Variants in MARCHF6 observed in about 807,000 individuals in gnomAD.
The protein encoded by MARCHF6 is membrane associated ring-CH-type finger 6, also known as E3 ubiquitin-protein ligase MARCHF6.
In MARCHF6, 31 loss-of-function variants were observed where a neutral mutation model predicts 133.7. That is an observed-to-expected ratio of 0.23 (90% confidence interval 0.17 to 0.31). MARCHF6 has a LOEUF of 0.31. Ranked by LOEUF, MARCHF6 falls within the 10% of genes least tolerant of loss-of-function variation. The probability of loss-of-function intolerance (pLI) is 1.00; values close to 1 mark genes in which losing one functional copy is unlikely to be tolerated. For synonymous variants in MARCHF6, 395 were observed against 402.5 expected (o/e 0.98, Z 0.22); for missense variants, 723 against 1,121.6 (o/e 0.64, Z 5.08).
intron 19 of MARCHF6, among the ~76,000 whole-genome samples, chr5:10,412,719 G>A (rs142434304): frequency 7.0e-4 from 106 of 152,166 alleles, no homozygotes; most frequent in Middle Eastern, 3.4e-3. Flanking sequence ...GGGACCATGG[G>A]TGCATGCCAC....
chr5:10,417,243 A>G, intron 21 of MARCHF6, 27 bp from the exon 22 acceptor site: 1 of 1,593,410 alleles, frequency 6.3e-7, no homozygotes, highest in Non-Finnish European at 8.5e-7. Flanking sequence ...ATCCTCTTTA[A>G]TGATGTGGGC....
chr5:10,412,804 A>G (rs570670469), intron 19 of MARCHF6, among the ~76,000 whole-genome samples: 211 of 152,164 alleles, frequency 1.4e-3, no homozygotes, highest in Non-Finnish European at 2.7e-3. Context: ...TCAAACTCCT[A>G]GTTCAAGCAG....
chr5:10,395,647 A>G (rs75000043), intron 9 of MARCHF6, among the ~76,000 whole-genome samples: 7,864 of 152,238 alleles, frequency 0.052, 689 homozygotes, highest in African/African-American at 0.18. Context: ...GGCTGCAGGT[A>G]GCAGAACCCC....
At chr5:10,400,049 A>G (rs1382421321) in intron 10 of MARCHF6, among the ~76,000 whole-genome samples, 1 of 152,128 alleles carries the variant, frequency 6.6e-6, no homozygotes, top group African/African-American at 2.4e-5. Context: ...GTGCCTATTA[A>G]TAGTATATGT....
intron 5 of MARCHF6, 74 bp downstream of exon 5, chr5:10,387,140 TATTATA>T: frequency 9.2e-7 from 1 of 1,089,436 alleles, no homozygotes; most frequent in Non-Finnish European, 1.3e-6. Context: ...ATATTTATTT[TATTATA>T]ATTTGTAAAT....
rs1228218484 is a variant in MARCHF6 at position 10,433,438 on chromosome 5, T to C, written c.2643-156T>C. The stretch of plus-strand genomic sequence containing the variant: ...AGCTTCCTACAAACCCATACCTAGG[T>C]AGATGTGTCAGCCTTTACAGGTGTT... On this transcript the variant is annotated intron_variant, in intron 25 of 25. Coordinates refer to ENST00000274140, the MANE Select transcript of MARCHF6 (RefSeq NM_005885.4). Among the ~76,000 whole-genome samples the C allele has an allele frequency of 2.0e-5, 3 of 152,194 alleles. No individual in the cohort carries two copies. In the East Asian group the frequency reaches 5.8e-4, roughly 29 times the overall value.
At position 10,383,016 on chromosome 5, in the gene MARCHF6, G is replaced by A. The variant is rs114414996; in HGVS notation, c.334+1073G>A. 6.8e-3 allele frequency among the ~76,000 whole-genome samples: 1,031 copies of A among 152,068 alleles called. 14 individuals are homozygous for A. Among genetic ancestry groups the A allele is most frequent in the African/African-American group, 0.023 (967 of 41,470 alleles). ...CATGGAGAGAAGTACATAGTATATG[G>A]GAGGCAGAGTATATAGATAAGATTC... On this transcript the variant is annotated intron_variant, in intron 4 of 25. Coordinates refer to ENST00000274140, the MANE Select transcript of MARCHF6 (RefSeq NM_005885.4).
At chr5:10,356,408 T>TGTTATGTTATG in intron 1 of MARCHF6, among the ~76,000 whole-genome samples, 1 of 149,268 alleles carries the variant, frequency 6.7e-6, no homozygotes, top group African/African-American at 2.5e-5. Context: ...TTTTATTTTA[T>TGTTATGTTATG]TTTCCGAGAT....
At chr5:10,402,728 A>G in intron 14 of MARCHF6, 121 bp downstream of exon 14, 1 of 914,330 alleles carries the variant, frequency 1.1e-6, no homozygotes, top group South Asian at 1.5e-5. Flanking sequence ...TTCTTTTGGC[A>G]TGTGTATCAG....
At chr5:10,368,852 C>A (rs1736290307) in intron 1 of MARCHF6, among the ~76,000 whole-genome samples, 1 of 152,124 alleles carries the variant, frequency 6.6e-6, no homozygotes, top group South Asian at 2.1e-4. Flanking sequence ...GGATTACAGG[C>A]GTGAGCCACC....
rs920663823 is a variant in MARCHF6, at chr5:10,364,185, G to A, written c.19+10268G>A. On this transcript the variant is annotated intron_variant, in intron 1 of 25. Coordinates refer to ENST00000274140, the MANE Select transcript of MARCHF6 (RefSeq NM_005885.4). ...TAAAATGGTAATAGAATGACTGACC[G>A]TACCAAGTGTTTGTAAGGAGGTAGA... is the stretch of plus-strand genomic sequence containing the variant. 2.6e-5 allele frequency among the ~76,000 whole-genome samples: 4 copies of A among 152,294 alleles called. No individual in the cohort carries two copies. In the South Asian group the frequency reaches 6.2e-4, roughly 24 times the overall value.
At chr5:10,355,204 T>C (rs1264021016) in intron 1 of MARCHF6, among the ~76,000 whole-genome samples, 1 of 152,266 alleles carries the variant, frequency 6.6e-6, no homozygotes, top group Non-Finnish European at 1.5e-5. Flanking sequence ...ATACACTGAG[T>C]GTAGCTAATC....
Position 10,417,535 on chromosome 5 carries a change from C to T in MARCHF6, c.2283+131C>T, listed in dbSNP as rs950318320. 5.9e-6 allele frequency: 7 copies of T among 1,194,664 alleles called. No individual in the cohort carries two copies. The African/African-American group carries it at 7.7e-5, about 13-fold the overall frequency. The allele number at this position is 1,194,664 out of a possible 1,614,324, so 74.0% of individuals were successfully genotyped here. ...CTGAGGTGGGAGGACTGCTTGCACC[C>T]AGGAGTTCGAGACCAGCCTGGGCAG... On this transcript the variant is annotated intron_variant, in intron 22 of 25. Coordinates refer to ENST00000274140, the MANE Select transcript of MARCHF6 (RefSeq NM_005885.4).
In MARCHF6 at chr5:10,414,430, C is replaced by T. The variant is rs369105847; in HGVS notation, c.1897-3C>T. On this transcript the variant is annotated splice_polypyrimidine_tract_variant and splice_region_variant and intron_variant, in intron 19 of 25. Coordinates refer to ENST00000274140, the MANE Select transcript of MARCHF6 (RefSeq NM_005885.4). ...TATGCACTCCTTATGTTTTACTTTGCAGATATTTCTGTTGATTGTCTTCAT... is the reference window on the plus strand; with the variant it reads ...TATGCACTCCTTATGTTTTACTTTGTAGATATTTCTGTTGATTGTCTTCAT... 8.3e-5 allele frequency: 133 copies of T among 1,600,756 alleles called. No homozygotes were observed. The highest frequency in any genetic ancestry group is 1.1e-4 in the Non-Finnish European group (129 of 1,169,198).
chr5:10,373,061 TA>T (rs368554826), intron 1 of MARCHF6, among the ~76,000 whole-genome samples: 33 of 144,216 alleles, frequency 2.3e-4, no homozygotes, highest in East Asian at 6.0e-4. Flanking sequence ...CCCTGTCTCT[TA>T]AAAAAAAAAA....
At chr5:10,388,791 C>T (rs993989627) in intron 5 of MARCHF6, among the ~76,000 whole-genome samples, 3 of 152,214 alleles carry the variant, frequency 2.0e-5, no homozygotes, top group Non-Finnish European at 4.4e-5. Flanking sequence ...GCAGCATCGC[C>T]TCTGTCCAGG....
intron 19 of MARCHF6, 119 bp from the exon 20 acceptor site, chr5:10,414,314 A>G (rs1316935349): frequency 2.3e-5 from 14 of 597,910 alleles, no homozygotes; most frequent in Non-Finnish European, 4.1e-5. Context: ...AAATTGCAGG[A>G]AACCTGGCAA....
intron 16 of MARCHF6, among the ~76,000 whole-genome samples, chr5:10,406,235 G>A (rs1028763606): frequency 6.6e-6 from 1 of 152,138 alleles, no homozygotes. Context: ...GGGACCACTG[G>A]TATGATTGAT....
chr5:10,407,096 C>T lies in MARCHF6; in HGVS notation c.1453-6C>T. On this transcript the variant is annotated splice_region_variant and splice_polypyrimidine_tract_variant and intron_variant, in intron 16 of 25. Transcript: ENST00000274140. ...TAGTGGTGTCATACCCTGTTTCCTT[C>T]TGCAGATTGTCTTTGGCTCCATTGT... 1 of 1,565,220 alleles carries T rather than the reference C, an allele frequency of 6.4e-7. No individual in the cohort carries two copies. The highest frequency in any genetic ancestry group is 1.7e-5 in the Admixed American group (1 of 59,296).
Sources: gnomAD v4.1 joint callset for allele counts (sites outside exome capture counted in the v4.1 genomes callset) on GRCh38, gnomAD v4.1.1 for gene constraint, MANE v1.5 for transcripts, NCBI Gene and HGNC (gene_info 2026-07-23, HGNC 2026-07-21) for gene names.